USP25: variants seen among roughly 807,000 people sequenced by gnomAD.
USP25 encodes ubiquitin specific peptidase 25.
A neutral mutation model predicts 158.5 loss-of-function variants in USP25; 85 were observed. The ratio of observed to expected loss-of-function variants is 0.54; its 90% confidence interval spans 0.45 to 0.64. The LOEUF is 0.64. USP25 is among the 30% of genes least tolerant of loss of function. The pLI, the probability that USP25 is intolerant of heterozygous loss-of-function variation, is 0.00. For synonymous variants in USP25, 464 were observed against 460.4 expected (o/e 1.01, Z -0.10); for missense variants, 1,242 against 1,327.3 (o/e 0.94, Z 1.00).
intron 2 of USP25, among the ~76,000 whole-genome samples, chr21:15,764,716 C>G (rs2033933238): frequency 6.6e-6 from 1 of 152,078 alleles, no homozygotes; most frequent in Admixed American, 6.6e-5. Context: ...CATTATTGCG[C>G]TTTATTTTAT....
Position 15,878,440 on chromosome 21 carries a change from T to C in USP25, c.3343T>C (p.Leu1115=). Residue 1115 remains leucine, a synonymous_variant, in exon 26 of 26, where the codon TTG becomes CTG. Transcript: ENST00000400183. ...CTGTGAGCGATTTGCCCGAATCATG[T>C]TGTCCCTCAGTCGAACTCCTGCTGA... ...ELCERFARIM[L]SLSRTPADGR 2.5e-6 allele frequency: 4 copies of C among 1,614,054 alleles called. No homozygotes were observed. In the South Asian group the frequency reaches 4.4e-5, roughly 18 times the overall value.
At chr21:15,830,441 C>T (rs1043271981) in intron 14 of USP25, 90 bp from the exon 15 acceptor site, 6 of 1,138,850 alleles carry the variant, frequency 5.3e-6, no homozygotes, top group Non-Finnish European at 6.2e-6. Context: ...TCCTATTCCT[C>T]TAACATGTTT....
intron 20 of USP25, among the ~76,000 whole-genome samples, chr21:15,863,019 G>T (rs2039500194): frequency 6.6e-6 from 1 of 151,772 alleles, no homozygotes; most frequent in Non-Finnish European, 1.5e-5. Context: ...CTTTTTAATT[G>T]AATGGATTTT....
At chr21:15,824,544 TTC>T (rs1161763548) in intron 11 of USP25, among the ~76,000 whole-genome samples, 1 of 152,100 alleles carries the variant, frequency 6.6e-6, no homozygotes, top group Non-Finnish European at 1.5e-5. Context: ...CTTCCTGTCT[TTC>T]TGTCTTCCTG....
At chr21:15,746,043 G>T (rs972409797) in intron 1 of USP25, among the ~76,000 whole-genome samples, 1 of 152,188 alleles carries the variant, frequency 6.6e-6, no homozygotes, top group Non-Finnish European at 1.5e-5. Flanking sequence ...TTTGAACTCA[G>T]TTCCTTTCTA....
At chr21:15,851,144 CTAAAG>C (rs1417250182) in intron 20 of USP25, among the ~76,000 whole-genome samples, 2 of 151,426 alleles carry the variant, frequency 1.3e-5, no homozygotes, top group African/African-American at 2.4e-5. Flanking sequence ...TATATGTCCT[CTAAAG>C]TATTTATTTC....
chr21:15,807,766 C>G (rs1408913438), intron 7 of USP25, among the ~76,000 whole-genome samples: 3 of 152,272 alleles, frequency 2.0e-5, no homozygotes, highest in Admixed American at 2.0e-4. Flanking sequence ...TCTCAAGATC[C>G]TTACCTTAAT....
intron 4 of USP25, among the ~76,000 whole-genome samples, chr21:15,786,409 C>T (rs781139298): frequency 1.8e-4 from 27 of 152,078 alleles, no homozygotes; most frequent in Non-Finnish European, 3.1e-4. Flanking sequence ...TCCGATTCAA[C>T]GGCATATTAA....
chr21:15,849,663 A>G lies in USP25; in HGVS notation c.2452-114A>G, dbSNP rs2038794393. The G allele has an allele frequency of 2.1e-5, 17 of 804,362 alleles. No homozygotes were observed. In the South Asian group the frequency reaches 3.7e-4, roughly 17 times the overall value. 49.8% of individuals were successfully genotyped at this position (804,362 alleles called of 1,614,324 possible). A position where few individuals can be genotyped will look rare whatever the true frequency, so the allele number is the denominator to read the frequency against. On this transcript the variant is annotated intron_variant, in intron 19 of 25. Coordinates refer to ENST00000400183, the MANE Select transcript of USP25 (RefSeq NM_001283041.3). ...TGCATATTGGATTAAATTTGGTATT[A>G]AAAGTGCAACATTTGATTTATAAAT...
intron 1 of USP25, among the ~76,000 whole-genome samples, chr21:15,751,865 G>A (rs1276075497): frequency 2.0e-5 from 3 of 152,164 alleles, no homozygotes; most frequent in Admixed American, 6.5e-5. Flanking sequence ...TACATTTAGA[G>A]TTTCTACTCA....
chr21:15,793,558 C>T (rs2035707343), intron 5 of USP25, among the ~76,000 whole-genome samples: 2 of 151,150 alleles, frequency 1.3e-5, no homozygotes, highest in African/African-American at 2.4e-5. Context: ...AAAATTTTAT[C>T]TAAGTTTAGT....
intron 23 of USP25, among the ~76,000 whole-genome samples, chr21:15,871,626 G>C (rs916418634): frequency 1.8e-4 from 28 of 152,042 alleles, no homozygotes; most frequent in Non-Finnish European, 3.7e-4. Flanking sequence ...GTACCTATCC[G>C]GATAGCTTCT....
chr21:15,761,219 T>C (rs1406145188), intron 1 of USP25, among the ~76,000 whole-genome samples: 1 of 152,180 alleles, frequency 6.6e-6, no homozygotes, highest in Non-Finnish European at 1.5e-5. Context: ...CTATTATTGG[T>C]AATACTAACT....
At chr21:15,853,307 A>G (rs1601133649) in intron 20 of USP25, among the ~76,000 whole-genome samples, 1 of 151,902 alleles carries the variant, frequency 6.6e-6, no homozygotes, top group East Asian at 1.9e-4. Context: ...GTGTACACAC[A>G]GGTACACACA....
Position 15,831,691 on chromosome 21 carries a change from T to C in USP25, c.1993+62T>C, listed in dbSNP as rs1313566838. 3 of 1,344,052 alleles carry C rather than the reference T, an allele frequency of 2.2e-6. No homozygotes were observed. The African/African-American group carries it at 4.3e-5, about 19-fold the overall frequency. 83.3% of individuals were successfully genotyped at this position (1,344,052 alleles called of 1,614,324 possible). On this transcript the variant is annotated intron_variant, in intron 16 of 25. Coordinates refer to ENST00000400183, the MANE Select transcript of USP25 (RefSeq NM_001283041.3). ...TCATAAAAGTGGCTCTGGTATGTGG[T>C]GTGATTAGTTAAGTGTAATTCACTC...
At chr21:15,770,169 A>G (rs1267359232) in intron 3 of USP25, among the ~76,000 whole-genome samples, 5 of 152,094 alleles carry the variant, frequency 3.3e-5, no homozygotes, top group Admixed American at 2.6e-4. Context: ...AGTTTAGGAT[A>G]TTGTTAATTG....
chr21:15,730,496 C>A (rs552397283), intron 1 of USP25, 58 bp downstream of exon 1: 17 of 1,300,898 alleles, frequency 1.3e-5, no homozygotes, highest in Non-Finnish European at 1.7e-5. Flanking sequence ...GCTGTCCTCT[C>A]CCGCTGCGGC....
intron 23 of USP25, 121 bp downstream of exon 23, chr21:15,870,268 T>A: frequency 1.6e-6 from 1 of 639,144 alleles, no homozygotes; most frequent in South Asian, 2.8e-5. Flanking sequence ...ATGTTTTATT[T>A]TAGATCAGTT....
At chr21:15,870,599 AT>A (rs1313192081) in intron 23 of USP25, among the ~76,000 whole-genome samples, 1 of 152,152 alleles carries the variant, frequency 6.6e-6, no homozygotes, top group Non-Finnish European at 1.5e-5. Flanking sequence ...TAATTATACT[AT>A]TATTTTAATT....
Sources: gnomAD v4.1 joint callset for allele counts (sites outside exome capture counted in the v4.1 genomes callset) on GRCh38, gnomAD v4.1.1 for gene constraint, MANE v1.5 for transcripts, NCBI Gene and HGNC (gene_info 2026-07-23, HGNC 2026-07-21) for gene names.